The following DNAH5 variants were observed in gnomAD, a reference collection of about 807,000 sequenced individuals.
DNAH5 encodes dynein axonemal heavy chain 5.
In DNAH5, 372 loss-of-function variants were observed where a neutral mutation model predicts 518.2. The observed-to-expected ratio is 0.72, with a 90% CI of 0.66 to 0.78. DNAH5 has a LOEUF of 0.78. Ranked by LOEUF, DNAH5 falls within the 30% of genes least tolerant of loss-of-function variation. DNAH5 has a pLI of 0.00. For missense variants in DNAH5, 5,523 were observed against 5,687.0 expected (o/e 0.97, Z 0.93); for synonymous variants, 2,039 against 2,025.9 (o/e 1.01, Z -0.17).
chr5:13,956,566 ATAAG>A (rs774650943), intron 1 of DNAH5, among the ~76,000 whole-genome samples: 10 of 152,232 alleles, frequency 6.6e-5, no homozygotes, highest in Non-Finnish European at 8.8e-5. Flanking sequence ...AAAAGAACTC[ATAAG>A]TAAGTGTAAA....
At position 13,913,947 on chromosome 5, in the gene DNAH5, G is replaced by C. The variant is rs375771650; in HGVS notation, c.1332C>G (p.Leu444=). Residue 444 remains leucine (L), a synonymous_variant, in exon 11 of 79, where the codon CTC becomes CTG. Transcript: ENST00000265104. ...SAIKLKQEYQ[L]CFHKTKQKLK... is the part of the protein sequence containing the mutation. Reference sequence around the variant, plus strand: ...GCTTTTGTTTTGTCTTGTGAAAGCAGAGCTGGTATTCCTTAAAATCAAAAG... The same window carrying C: ...GCTTTTGTTTTGTCTTGTGAAAGCACAGCTGGTATTCCTTAAAATCAAAAG... 2 of 1,612,988 alleles carry C rather than the reference G, an allele frequency of 1.2e-6. No individual in the cohort carries two copies. Among genetic ancestry groups the C allele is most frequent in the Non-Finnish European group, 1.7e-6 (2 of 1,179,204 alleles).
intron 78 of DNAH5, among the ~76,000 whole-genome samples, chr5:13,700,279 G>A (rs1741917032): frequency 6.6e-6 from 1 of 152,104 alleles, no homozygotes; most frequent in Non-Finnish European, 1.5e-5. Flanking sequence ...AGGCCCAAAT[G>A]CTCCTGAGAC....
rs984118391 is a variant in DNAH5 at position 13,874,792 on chromosome 5, C to G, written c.3396+1892G>C. Among the ~76,000 whole-genome samples, 8 of 152,302 alleles carry G rather than the reference C, an allele frequency of 5.3e-5. No homozygotes were observed. In the South Asian group the frequency reaches 1.7e-3, roughly 32 times the overall value. The stretch of plus-strand genomic sequence containing the variant: ...TTGGCCTCTCAAAGTGCTGACATTA[C>G]AGACATGGGCCACTACATCCAGCCT... On this transcript the variant is annotated intron_variant, in intron 22 of 78. Transcript: ENST00000265104.
chr5:13,794,123 A>T lies in DNAH5; in HGVS notation c.7888-65T>A. On this transcript the variant is annotated intron_variant, in intron 47 of 78. Transcript: ENST00000265104. ...CCCCTAAAACCTGGTCAATTATTTT[A>T]AAAAACAACAAAAACTGGTAACCTT... 9 of 1,602,448 alleles carry T rather than the reference A, an allele frequency of 5.6e-6. No individual in the cohort carries two copies. In the South Asian group the frequency reaches 6.6e-5, roughly 12 times the overall value.
chr5:13,713,194 T>C (rs1743758868), intron 75 of DNAH5, among the ~76,000 whole-genome samples: 2 of 147,646 alleles, frequency 1.4e-5, no homozygotes, highest in Non-Finnish European at 3.0e-5. Context: ...CGGACATATA[T>C]ATGTATATAC....
chr5:13,874,124 A>G (rs957657764), intron 22 of DNAH5, among the ~76,000 whole-genome samples: 22 of 152,182 alleles, frequency 1.4e-4, no homozygotes, highest in Admixed American at 1.4e-3. Context: ...ATCACTGCCT[A>G]TCCCAACCAC....
At chr5:13,993,905 G>A (rs1298450658) in intron 1 of DNAH5, among the ~76,000 whole-genome samples, 1 of 152,308 alleles carries the variant, frequency 6.6e-6, no homozygotes, top group South Asian at 2.1e-4. Flanking sequence ...TCCTCTGAGG[G>A]AACCAGGTAT....
intron 28 of DNAH5, 36 bp downstream of exon 28, chr5:13,864,361 T>C: frequency 6.2e-7 from 1 of 1,609,564 alleles, no homozygotes; most frequent in Non-Finnish European, 8.5e-7. Flanking sequence ...ATAAATCCCA[T>C]GAGACCTTGC....
At chr5:13,718,792 C>T in intron 72 of DNAH5, 90 bp downstream of exon 72, 1 of 1,097,096 alleles carries the variant, frequency 9.1e-7, no homozygotes, top group Non-Finnish European at 1.4e-6. Flanking sequence ...TTTGCTATAA[C>T]TGTATCCTAG....
intron 61 of DNAH5, among the ~76,000 whole-genome samples, chr5:13,757,941 T>C (rs1751234410): frequency 6.6e-6 from 1 of 151,776 alleles, no homozygotes; most frequent in Non-Finnish European, 1.5e-5. Context: ...TGAGAAGGGG[T>C]AGAGGTGAAT....
chr5:13,856,716 G>A (rs948762385), intron 30 of DNAH5, among the ~76,000 whole-genome samples: 1 of 151,756 alleles, frequency 6.6e-6, no homozygotes, highest in Non-Finnish European at 1.5e-5. Context: ...TTCAACATAT[G>A]CAAATAAACA....
chr5:13,859,877 A>T (rs1768153022), intron 29 of DNAH5, among the ~76,000 whole-genome samples: 1 of 152,156 alleles, frequency 6.6e-6, no homozygotes, highest in African/African-American at 2.4e-5. Context: ...GATTCCACCA[A>T]GCTTCCAGGG....
chr5:13,966,778 A>C (rs183112118), intron 1 of DNAH5, among the ~76,000 whole-genome samples: 1 of 152,158 alleles, frequency 6.6e-6, no homozygotes, highest in Admixed American at 6.5e-5. Flanking sequence ...TTGGATGCAT[A>C]GTTTGTGAAG....
chr5:13,993,495 A>C lies in DNAH5; in HGVS notation c.12+18153T>G, dbSNP rs1436492212. On this transcript the variant is annotated intron_variant, in intron 1 of 78. Transcript: ENST00000681290. ...TATTCTACCCCACTGTACTATTACA[A>C]ATATCACAAAATATAGATTACATAG... Among the ~76,000 whole-genome samples, 3 of 152,266 alleles carry C rather than the reference A, an allele frequency of 2.0e-5. 1 individual carries two copies. Among genetic ancestry groups the C allele is most frequent in the Admixed American group, 1.3e-4 (2 of 15,286 alleles).
chr5:13,810,761 AAAAC>A (rs1760563102), intron 44 of DNAH5, among the ~76,000 whole-genome samples: 2 of 126,740 alleles, frequency 1.6e-5, no homozygotes, highest in Non-Finnish European at 3.4e-5. Flanking sequence ...GTCAAAAAAC[AAAAC>A]AAACAAACAA....
chr5:13,714,756 A>C, intron 74 of DNAH5, 136 bp from the exon 75 acceptor site: 3 of 839,222 alleles, frequency 3.6e-6, no homozygotes, highest in Non-Finnish European at 5.8e-6. Context: ...CTACAAACTC[A>C]ATAATTTCTC....
chr5:13,885,233 T>C lies in DNAH5; in HGVS notation c.2744-5A>G. 1 of 1,613,946 alleles carries C rather than the reference T, an allele frequency of 6.2e-7. No individual in the cohort carries two copies. Among genetic ancestry groups the C allele is most frequent in the African/African-American group, 1.3e-5 (1 of 75,034 alleles). On this transcript the variant is annotated splice_polypyrimidine_tract_variant and splice_region_variant and intron_variant, in intron 18 of 78. Transcript: ENST00000265104. ...AATTTCCTTCTTCTCTTTTTGCTGTTACAAGATGAAAGAGATAGAGATAGA... is the reference window on the plus strand; with the variant it reads ...AATTTCCTTCTTCTCTTTTTGCTGTCACAAGATGAAAGAGATAGAGATAGA...
chr5:13,921,326 C>T (rs1777230644), intron 5 of DNAH5, among the ~76,000 whole-genome samples: 1 of 152,018 alleles, frequency 6.6e-6, no homozygotes, highest in Non-Finnish European at 1.5e-5. Context: ...CAGAGTGTCA[C>T]ACTGTCATCA....
At chr5:13,711,531 G>A (rs758851327) in intron 75 of DNAH5, among the ~76,000 whole-genome samples, 4 of 152,152 alleles carry the variant, frequency 2.6e-5, no homozygotes, top group Non-Finnish European at 5.9e-5. Context: ...AATCAGTCAA[G>A]AGAAATAAAT....
Sources: allele counts gnomAD v4.1 joint callset (sites outside exome capture counted in the v4.1 genomes callset), GRCh38; gene constraint gnomAD v4.1.1; transcripts MANE v1.5; gene names NCBI Gene and HGNC (gene_info 2026-07-23, HGNC 2026-07-21).